Variants in CPSF1 observed in about 807,000 individuals in gnomAD.
CPSF1 encodes the protein cleavage and polyadenylation specific factor 1.
A neutral mutation model predicts 175.8 loss-of-function variants in CPSF1; 106 were observed. The observed-to-expected ratio is 0.60, with a 90% CI of 0.52 to 0.71. The LOEUF (loss-of-function observed/expected upper bound fraction) is 0.71, where lower values mean the gene tolerates loss of function less well. Ranked by LOEUF, CPSF1 falls within the 30% of genes least tolerant of loss-of-function variation. The probability of loss-of-function intolerance (pLI) is 0.00; values close to 1 mark genes in which losing one functional copy is unlikely to be tolerated. For missense variants in CPSF1, 1,734 were observed against 2,022.9 expected (o/e 0.86, Z 2.74); for synonymous variants, 1,024 against 858.3 (o/e 1.19, Z -3.37).
rs781836349 is a variant in CPSF1, at chr8:144,397,556, C to T, written c.2316G>A (p.Arg772=). The T allele has an allele frequency of 7.1e-6, 11 of 1,555,734 alleles. No homozygotes were observed. The highest frequency in any genetic ancestry group is 9.6e-6 in the Non-Finnish European group (11 of 1,145,332). The change falls in exon 22 of 38, where the codon CGG becomes CGA. Residue 772 remains arginine, a synonymous_variant. Coordinates refer to ENST00000616140, the MANE Select transcript of CPSF1 (RefSeq NM_013291.3). ...GCTCTGCCCGGAAGGGTGCAGGGTCCCGGTCAGCAGGGGGCTGGCTGCTTC... is the reference window on the plus strand; with the variant it reads ...GCTCTGCCCGGAAGGGTGCAGGGTCTCGGTCAGCAGGGGGCTGGCTGCTTC... ...ARRSSQPPAD[R]DPAPFRAEPT...
intron 31 of CPSF1, 34 bp from the exon 32 acceptor site, chr8:144,394,589 C>CGGGGAGCCGGGTGAG: frequency 1.9e-6 from 3 of 1,602,328 alleles, no homozygotes; most frequent in Non-Finnish European, 2.6e-6. Context: ...CGGGCGCGGA[C>CGGGGAGCCGGGTGAG]GGGGAGCCGG....
At position 144,394,452 on chromosome 8, in the gene CPSF1, G is replaced by A. The variant is rs1820574463; in HGVS notation, c.3671C>T (p.Ala1224Val). Residue 1224 changes from alanine to valine, a missense_variant, in exon 32 of 38, where the codon GCA becomes GTA. Ala to Val is a moderately conservative substitution (Grantham distance 64). This residue lies in a region of CPSF1 where 323 missense variants were observed against 338.5 expected (regional missense o/e 0.95). Coordinates refer to ENST00000616140, the MANE Select transcript of CPSF1 (RefSeq NM_013291.3). ...CGAAATGCTCTTCATGACGTCGGCT[G>A]CCAGGATGAAGTTCTTGACGCTGAT... Reference protein sequence around the residue: ...QMISVKNFILAADVMKSISLL... With the variant: ...QMISVKNFILVADVMKSISLL... 14 of 1,607,578 alleles carry A rather than the reference G, an allele frequency of 8.7e-6. No homozygotes were observed. Among genetic ancestry groups the A allele is most frequent in the Non-Finnish European group, 1.2e-5 (14 of 1,177,872 alleles).
Position 144,398,022 on chromosome 8 carries a change from G to A in CPSF1, c.2005C>T (p.Leu669=). The A allele has an allele frequency of 1.2e-6, 2 of 1,612,348 alleles. No individual in the cohort carries two copies. The highest frequency in any genetic ancestry group is 4.5e-5 in the East Asian group (2 of 44,878). The change falls in exon 20 of 38, where the codon CTG becomes TTG. Residue 669 remains leucine (L), a synonymous_variant. Transcript: ENST00000616140. ...CCACCGTAGGAGTCACTCTTCAGCA[G>A]GAACATGGTGACGTGGCCCTCGGCA... ...MSAEGHVTMF[L]LKSDSYGGRH...
chr8:144,397,853 C>T lies in CPSF1; in HGVS notation c.2100G>A (p.Leu700=). The change falls in exon 21 of 38, where the codon CTG becomes CTA. Residue 700 remains leucine (L), a synonymous_variant. Coordinates refer to ENST00000616140, the MANE Select transcript of CPSF1 (RefSeq NM_013291.3). ...HHQSKVITLC[L]YRDLSGMFTT... ...TGAACATGCCGCTGAGGTCTCGGTA[C>T]AGGCACAGCGTAATCACCTTGGACT... 6.2e-7 allele frequency: 1 copy of T among 1,610,582 alleles called. No homozygotes were observed. The highest frequency in any genetic ancestry group is 8.5e-7 in the Non-Finnish European group (1 of 1,178,956).
In CPSF1 at chr8:144,399,125, C is replaced by A. The variant is rs2116859256; in HGVS notation, c.1467+3G>T. On this transcript the variant is annotated splice_donor_region_variant and intron_variant, in intron 15 of 37. Coordinates refer to ENST00000616140, the MANE Select transcript of CPSF1 (RefSeq NM_013291.3). The surrounding 1 kb of genome is among the most constrained non-coding windows in gnomAD (Gnocchi z 6.4). Reference sequence around the variant, plus strand: ...CCCCAGCCCCGACCCCAACCCTGGGCACCTCTTCAGAGAGGAAGGCAGGCT... The same window carrying A: ...CCCCAGCCCCGACCCCAACCCTGGGAACCTCTTCAGAGAGGAAGGCAGGCT... The A allele has an allele frequency of 2.6e-6, 4 of 1,564,554 alleles. No homozygotes were observed. The highest frequency in any genetic ancestry group is 1.9e-5 in the Admixed American group (1 of 53,028).
rs782395029 is a variant in CPSF1, at chr8:144,396,746, G to A, written c.2683-5C>T. 3 of 1,613,862 alleles carry A rather than the reference G, an allele frequency of 1.9e-6. No individual in the cohort carries two copies. The South Asian group carries it at 3.3e-5, about 18-fold the overall frequency. On this transcript the variant is annotated splice_region_variant and splice_polypyrimidine_tract_variant and intron_variant, in intron 24 of 37. Coordinates refer to ENST00000616140, the MANE Select transcript of CPSF1 (RefSeq NM_013291.3). ...GAAGTTGATGTTGTGAGGGACCTGG[G>A]GGGGAACCATGCAGGTCCTCCAGGG... is the stretch of plus-strand genomic sequence containing the variant.
At chr8:144,401,859 C>T (rs2116887506) in intron 2 of CPSF1, among the ~76,000 whole-genome samples, 186 bp from the exon 3 acceptor site, 16 of 152,260 alleles carry the variant, frequency 1.1e-4, no homozygotes, top group South Asian at 6.2e-4. Context: ...CCCCCATTCA[C>T]GCTCTCATGC....
Position 144,399,107 on chromosome 8 carries a change from C to T in CPSF1, c.1467+21G>A, listed in dbSNP as rs2116858951. ...TCACACTCCAGCCCCTGCCCCCAGC[C>T]CCGACCCCAACCCTGGGCACCTCTT... On this transcript the variant is annotated intron_variant, in intron 15 of 37. Coordinates refer to ENST00000616140, the MANE Select transcript of CPSF1 (RefSeq NM_013291.3). The surrounding 1 kb of genome is among the most constrained non-coding windows in gnomAD (Gnocchi z 6.4). 8 of 1,550,650 alleles carry T rather than the reference C, an allele frequency of 5.2e-6. No homozygotes were observed. In the South Asian group the frequency reaches 5.9e-5, roughly 12 times the overall value.
chr8:144,400,354 C>T lies in CPSF1; in HGVS notation c.826G>A (p.Gly276Ser). Reference sequence around the variant, plus strand: ...CCCTATCCACTCCCAGGACACACACCTATGGGCTTGGGCACAGCCAGAGCC... The same window carrying T: ...CCCTATCCACTCCCAGGACACACACTTATGGGCTTGGGCACAGCCAGAGCC... ...TQALAVPKPI[G>S]GVVVFAVNSL... The change falls in exon 8 of 38, where the codon GGT (glycine) becomes AGT (serine). Residue 276 changes from glycine to serine, a missense_variant and splice_region_variant. By Grantham distance (56) the Gly-to-Ser change is moderately conservative. Around this residue, in one of 10 missense-constraint regions of CPSF1, gnomAD observed 61 missense variants for 104.0 expected, o/e 0.59. Transcript: ENST00000616140. 6.2e-7 allele frequency: 1 copy of T among 1,613,896 alleles called. No homozygotes were observed. Among genetic ancestry groups the T allele is most frequent in the Non-Finnish European group, 8.5e-7 (1 of 1,179,960 alleles).
At chr8:144,393,388 TGGGTGGGTGGGTGGGG>T in intron 37 of CPSF1, 23 bp from the exon 38 acceptor site, 1 of 468,712 alleles carries the variant, frequency 2.1e-6, no homozygotes, top group Non-Finnish European at 3.4e-6. Flanking sequence ...GAAGGGTGGG[TGGGTGGGTGGGTGGGG>T]ATGCACACGG....
At chr8:144,396,995 G>A in intron 23 of CPSF1, 66 bp from the exon 24 acceptor site, 2 of 1,239,318 alleles carry the variant, frequency 1.6e-6, no homozygotes, top group Non-Finnish European at 2.3e-6. Flanking sequence ...TGGGCCATGG[G>A]AAGAGGTGGG....
At chr8:144,394,859 G>C (rs374391037) in intron 30 of CPSF1, 23 bp downstream of exon 30, 1 of 1,611,530 alleles carries the variant, frequency 6.2e-7, no homozygotes, top group African/African-American at 1.3e-5. Context: ...GCCAGTTCCC[G>C]CCCCCGCTCA....
rs2116873375 is a variant in CPSF1 at position 144,400,201 on chromosome 8, T to C, written c.902A>G (p.Asn301Ser). 8 of 1,391,894 alleles carry C rather than the reference T, an allele frequency of 5.7e-6. No homozygotes were observed. Among genetic ancestry groups the C allele is most frequent in the Non-Finnish European group, 7.6e-6 (8 of 1,047,650 alleles). The allele number at this position is 1,391,894 out of a possible 1,614,324, so 86.2% of individuals were successfully genotyped here. Residue 301 changes from asparagine to serine, a missense_variant, in exon 9 of 38, where the codon AAC (asparagine) becomes AGC (serine). Asn to Ser is a conservative substitution (Grantham distance 46, BLOSUM62 1). This residue lies in a region of CPSF1 where 61 missense variants were observed against 104.0 expected (regional missense o/e 0.59). Transcript: ENST00000616140. ...AGCCGTGGTTCCTGTGGTGAGGCTG[T>C]TGAGAGCCACGCCATACGGGGGGAC... ...QSVPPYGVAL[N>S]SLTTGTTAFP...
At chr8:144,397,462 G>A (rs1554864373) in intron 22 of CPSF1, 25 bp downstream of exon 22, 2 of 1,595,612 alleles carry the variant, frequency 1.3e-6, no homozygotes, top group South Asian at 1.1e-5. Flanking sequence ...GAACCCGCTG[G>A]GCCACAGTGC....
At chr8:144,394,060 G>A in intron 34 of CPSF1, 22 bp from the exon 35 acceptor site, 2 of 1,610,822 alleles carry the variant, frequency 1.2e-6, no homozygotes, top group Non-Finnish European at 1.7e-6. Flanking sequence ...AGGCCTAGGG[G>A]TCACTGCTAG....
Position 144,400,843 on chromosome 8 carries a change from AGAGGAGGG to A in CPSF1, c.540-34_540-27del, listed in dbSNP as rs2116878803. 4 of 1,611,752 alleles carry A rather than the reference AGAGGAGGG, an allele frequency of 2.5e-6. No homozygotes were observed. The South Asian group carries it at 4.4e-5, about 18-fold the overall frequency. On this transcript the variant is annotated intron_variant, in intron 6 of 37. Coordinates refer to ENST00000616140, the MANE Select transcript of CPSF1 (RefSeq NM_013291.3). ...CTGGGGGGCCAGGGGCTTCAGCAGGAGAGGAGGGGAGGCGGGGAGGGGAGCTCGGGCTC... is the reference window on the plus strand; with the variant it reads ...CTGGGGGGCCAGGGGCTTCAGCAGGAGAGGCGGGGAGGGGAGCTCGGGCTC...
At chr8:144,397,066 TGAGG>T (rs1311916500) in intron 23 of CPSF1, 137 bp from the exon 24 acceptor site, 18 of 774,876 alleles carry the variant, frequency 2.3e-5, no homozygotes, top group East Asian at 1.2e-4. Flanking sequence ...GGCGGGGCTG[TGAGG>T]GAGATGGGGT....
chr8:144,400,135 G>GCCCCCCCCCCCCCCCCCCCCCCCCCC (rs1491238659), intron 9 of CPSF1, 31 bp downstream of exon 9: 74 of 896,724 alleles, frequency 8.3e-5, no homozygotes, highest in Non-Finnish European at 1.0e-4. Flanking sequence ...CCGTCCCCGG[G>GCCCCCCCCCCCCCCCCCCCCCCCCCC]CCCCCCCCGC....
In CPSF1 at chr8:144,399,873, G is replaced by C. The variant is rs1281387525; in HGVS notation, c.1032-5C>G. The C allele has an allele frequency of 1.3e-6, 2 of 1,555,248 alleles. No homozygotes were observed. The highest frequency in any genetic ancestry group is 1.4e-5 in the African/African-American group (1 of 73,284). ...GTGATGAGGGTCAGCACGTAGCTGG[G>C]GGCAGGGAGAATTCTGAGTCGGGGA... On this transcript the variant is annotated splice_polypyrimidine_tract_variant and splice_region_variant and intron_variant, in intron 10 of 37. Transcript: ENST00000616140. This position sits in a 1 kb window ranked among gnomAD's most constrained non-coding sequence, Gnocchi z 6.4.
Sources: allele counts gnomAD v4.1 joint callset (sites outside exome capture counted in the v4.1 genomes callset), GRCh38; gene constraint gnomAD v4.1.1; regional missense constraint gnomAD v4.1.1; non-coding constraint Gnocchi (gnomAD v3.1); transcripts MANE v1.5; gene names NCBI Gene and HGNC (gene_info 2026-07-23, HGNC 2026-07-21).